Variants in AUTS2 observed in about 807,000 individuals in gnomAD.
The protein encoded by AUTS2 is autism susceptibility gene 2 protein.
AUTS2 carries 17 observed loss-of-function variants against 112.4 expected under a neutral mutation model. That is an observed-to-expected ratio of 0.15 (90% CI 0.10 to 0.23). AUTS2 has a LOEUF of 0.23. Among genes scored for constraint, AUTS2 ranks in the 10% least tolerant of loss-of-function variants. AUTS2 has a pLI of 1.00. For synonymous variants in AUTS2, 751 were observed against 702.7 expected (o/e 1.07, Z -1.09); for missense variants, 1,510 against 1,701.6 (o/e 0.89, Z 1.98).
intron 6 of AUTS2, among the ~76,000 whole-genome samples, chr7:70,744,510 G>A (rs1030866940): frequency 1.3e-5 from 2 of 152,156 alleles, no homozygotes; most frequent in East Asian, 1.9e-4. Context: ...GTGCCTTGAC[G>A]AGGAGGACAT....
At chr7:69,966,675 G>A (rs933191536) in intron 2 of AUTS2, among the ~76,000 whole-genome samples, 3 of 152,052 alleles carry the variant, frequency 2.0e-5, no homozygotes, top group Non-Finnish European at 2.9e-5. Context: ...AACATCTCGA[G>A]CACATTTACC....
At chr7:69,639,388 A>C (rs1298130456) in intron 1 of AUTS2, among the ~76,000 whole-genome samples, 1 of 152,188 alleles carries the variant, frequency 6.6e-6, no homozygotes, top group Non-Finnish European at 1.5e-5. Flanking sequence ...TGGTGGCATA[A>C]GTTCAGCAAA....
At chr7:70,577,361 A>G (rs1395134337) in intron 5 of AUTS2, among the ~76,000 whole-genome samples, 1 of 152,152 alleles carries the variant, frequency 6.6e-6, no homozygotes, top group African/African-American at 2.4e-5. Flanking sequence ...GCATACCCAC[A>G]TGGTTTATTT....
intron 2 of AUTS2, among the ~76,000 whole-genome samples, chr7:70,012,247 G>A (rs1240940796): frequency 6.6e-6 from 1 of 152,170 alleles, no homozygotes; most frequent in Non-Finnish European, 1.5e-5. Flanking sequence ...GGATTGGCTG[G>A]AGGAGGCAGG....
intron 2 of AUTS2, among the ~76,000 whole-genome samples, chr7:70,083,504 G>A (rs1803426395): frequency 6.6e-6 from 1 of 152,134 alleles, no homozygotes; most frequent in Admixed American, 6.6e-5. Context: ...TGTATACAGT[G>A]ATTTGGTATA....
intron 1 of AUTS2, among the ~76,000 whole-genome samples, chr7:69,801,744 A>G (rs10278978): frequency 0.076 from 11,584 of 152,224 alleles, 593 homozygotes; most frequent in African/African-American, 0.14. Context: ...CTCAAGACAC[A>G]ACAGTGAACA....
At chr7:70,769,056 TAGATACCATGTTAGTCA>T (rs1472934857) in intron 10 of AUTS2, among the ~76,000 whole-genome samples, 1 of 152,124 alleles carries the variant, frequency 6.6e-6, no homozygotes, top group Non-Finnish European at 1.5e-5. Context: ...ACCAGATAAT[TAGATACCATGTTAGTCA>T]AGAGGTTAGC....
chr7:70,717,457 G>A (rs1810444312), intron 6 of AUTS2, among the ~76,000 whole-genome samples: 2 of 152,128 alleles, frequency 1.3e-5, no homozygotes, highest in African/African-American at 4.8e-5. Context: ...AAAGCATCGA[G>A]CTCCTGGTGC....
chr7:70,305,986 C>A (rs1789475882), intron 4 of AUTS2, among the ~76,000 whole-genome samples: 1 of 150,222 alleles, frequency 6.7e-6, no homozygotes. Flanking sequence ...CCAAGAAATG[C>A]AAGTGGGAAA....
intron 4 of AUTS2, among the ~76,000 whole-genome samples, chr7:70,182,679 T>C (rs1366280908): frequency 6.6e-6 from 1 of 152,164 alleles, no homozygotes; most frequent in Non-Finnish European, 1.5e-5. Flanking sequence ...AATAAGTGCT[T>C]GTAGCTTACT....
intron 2 of AUTS2, among the ~76,000 whole-genome samples, chr7:70,087,598 T>C (rs998979417): frequency 6.6e-6 from 1 of 152,050 alleles, no homozygotes; most frequent in Non-Finnish European, 1.5e-5. Context: ...CTCGATCTCC[T>C]GATCTTGTGA....
intron 2 of AUTS2, among the ~76,000 whole-genome samples, chr7:69,996,458 A>G (rs1409047960): frequency 6.6e-6 from 1 of 152,194 alleles, no homozygotes. Context: ...TCATGGGTGT[A>G]GAAAGCCTGG....
At position 69,627,447 on chromosome 7, in the gene AUTS2, C is replaced by T. The variant is rs555491769; in HGVS notation, c.309+27485C>T. Among the ~76,000 whole-genome samples, 6 of 152,076 alleles carry T rather than the reference C, an allele frequency of 3.9e-5. No homozygotes were observed. The East Asian group carries it at 7.7e-4, about 20-fold the overall frequency. Reference sequence around the variant, plus strand: ...CGGAGGTTGCGGTGAACTGAGATCACGCCATTGCACTCCAACCTGGACAAC... The same window carrying T: ...CGGAGGTTGCGGTGAACTGAGATCATGCCATTGCACTCCAACCTGGACAAC... On this transcript the variant is annotated intron_variant, in intron 1 of 18. Transcript: ENST00000342771.
chr7:69,994,983 C>G (rs1798883544), intron 2 of AUTS2, among the ~76,000 whole-genome samples: 1 of 152,116 alleles, frequency 6.6e-6, no homozygotes, highest in Admixed American at 6.6e-5. Flanking sequence ...AGAATTGTTC[C>G]CAGAGTTCAG....
intron 2 of AUTS2, among the ~76,000 whole-genome samples, chr7:69,924,039 GAC>G (rs908385449): frequency 2.1e-4 from 32 of 152,286 alleles, no homozygotes; most frequent in African/African-American, 7.7e-4. Flanking sequence ...TAGGGGGAAA[GAC>G]AGAATCTTTT....
intron 1 of AUTS2, among the ~76,000 whole-genome samples, chr7:69,856,894 A>G (rs1445805924): frequency 6.6e-6 from 1 of 152,208 alleles, no homozygotes; most frequent in Non-Finnish European, 1.5e-5. Flanking sequence ...ACATTTGTAC[A>G]CAGTGGCCTT....
chr7:70,060,664 A>G (rs140328658), intron 2 of AUTS2, among the ~76,000 whole-genome samples: 4 of 152,348 alleles, frequency 2.6e-5, no homozygotes, highest in African/African-American at 9.6e-5. Flanking sequence ...CTTACTATAT[A>G]GATGAGCAGA....
Position 70,744,064 on chromosome 7 carries a change from C to T in AUTS2, c.743-18806C>T, listed in dbSNP as rs74815235. Reference sequence around the variant, plus strand: ...CCCCGAGTGTTGGCAAAAACATTTTCATATTGTTCTCACTTTTCTGACTGA... The same window carrying T: ...CCCCGAGTGTTGGCAAAAACATTTTTATATTGTTCTCACTTTTCTGACTGA... On this transcript the variant is annotated intron_variant, in intron 6 of 18. Coordinates refer to ENST00000342771, the MANE Select transcript of AUTS2 (RefSeq NM_015570.4). 2.1e-4 allele frequency among the ~76,000 whole-genome samples: 31 copies of T among 147,644 alleles called. No individual in the cohort carries two copies. The East Asian group carries it at 6.4e-3, about 30-fold the overall frequency.
At chr7:70,118,041 C>T in intron 2 of AUTS2, 91 bp from the exon 3 acceptor site, 1 of 1,423,630 alleles carries the variant, frequency 7.0e-7, no homozygotes, top group Non-Finnish European at 9.2e-7. Flanking sequence ...AGCCACCGTG[C>T]CTGGCTGTTC....
Sources: allele counts gnomAD v4.1 joint callset (sites outside exome capture counted in the v4.1 genomes callset), GRCh38; gene constraint gnomAD v4.1.1; transcripts MANE v1.5; gene names NCBI Gene and HGNC (gene_info 2026-07-23, HGNC 2026-07-21).